Variants in SDHC observed in about 807,000 individuals in gnomAD.
The protein encoded by SDHC is succinate dehydrogenase cytochrome b560 subunit, mitochondrial.
In SDHC, 11 loss-of-function variants were observed where a neutral mutation model predicts 22.6. The ratio of observed to expected loss-of-function variants is 0.49; its 90% confidence interval spans 0.31 to 0.81. The LOEUF (loss-of-function observed/expected upper bound fraction) is 0.81. SDHC is among the 30% of genes least tolerant of loss of function. The pLI is 0.05. For missense variants in SDHC, 160 were observed against 212.0 expected (o/e 0.75, Z 1.52); for synonymous variants, 80 against 77.8 (o/e 1.03, Z -0.15).
chr1:161,338,983 G>A (rs1407066932), intron 3 of SDHC, among the ~76,000 whole-genome samples: 1 of 151,974 alleles, frequency 6.6e-6, no homozygotes, highest in Non-Finnish European at 1.5e-5. Flanking sequence ...CAAGTAGCTG[G>A]GATTACAGGC....
At chr1:161,340,464 T>A (rs1305642732) in intron 3 of SDHC, 130 bp from the exon 4 acceptor site, 145 of 763,348 alleles carry the variant, frequency 1.9e-4, no homozygotes, top group Non-Finnish European at 2.6e-4. Flanking sequence ...AGAGCGAGAC[T>A]CTGTCTCAAA....
chr1:161,327,223 C>G (rs1293831261), intron 2 of SDHC, among the ~76,000 whole-genome samples: 2 of 152,178 alleles, frequency 1.3e-5, no homozygotes, highest in Non-Finnish European at 2.9e-5. Flanking sequence ...GCCACCATGT[C>G]TGGCCTAAGT....
At chr1:161,314,482 C>A (rs1247782806) in intron 1 of SDHC, 57 bp downstream of exon 1, 3 of 1,592,796 alleles carry the variant, frequency 1.9e-6, no homozygotes, top group Non-Finnish European at 2.6e-6. Flanking sequence ...TCTGAACTGG[C>A]CCCTCACGTT....
At position 161,330,921 on chromosome 1, in the gene SDHC, C is replaced by CTGGGTGGTG. The variant is rs1671247333; in HGVS notation, c.179+2425_179+2433dup. ...GCTGAGGCACAAGAATCTCTTGAAC[C>CTGGGTGGTG]TGGGTGGTGGAGGTTGCAGTGAGCC... is the stretch of plus-strand genomic sequence containing the variant. On this transcript the variant is annotated intron_variant, in intron 3 of 5. Coordinates refer to ENST00000367975, the MANE Select transcript of SDHC (RefSeq NM_003001.5). Among the ~76,000 whole-genome samples the CTGGGTGGTG allele has an allele frequency of 3.3e-5, 5 of 150,804 alleles. No individual in the cohort carries two copies. In the Admixed American group the frequency reaches 3.3e-4, roughly 10 times the overall value.
chr1:161,351,911 C>A (rs1672110923), intron 4 of SDHC, among the ~76,000 whole-genome samples: 1 of 152,172 alleles, frequency 6.6e-6, no homozygotes, highest in Non-Finnish European at 1.5e-5. Flanking sequence ...GAAGAAGTGT[C>A]TGAAAGAGCT....
At chr1:161,336,562 A>G (rs147819110) in intron 3 of SDHC, among the ~76,000 whole-genome samples, 2 of 152,166 alleles carry the variant, frequency 1.3e-5, no homozygotes, top group South Asian at 4.1e-4. Flanking sequence ...CACAGGTCAT[A>G]TAAAGAATGG....
intron 4 of SDHC, among the ~76,000 whole-genome samples, chr1:161,345,336 T>C (rs1671854105): frequency 6.6e-6 from 1 of 152,256 alleles, no homozygotes; most frequent in Non-Finnish European, 1.5e-5. Flanking sequence ...AGCACTTTGC[T>C]TACCACCATA....
intron 5 of SDHC, 127 bp from the exon 6 acceptor site, chr1:161,362,202 G>A (rs1298982625): frequency 1.7e-6 from 2 of 1,162,126 alleles, no homozygotes; most frequent in African/African-American, 3.1e-5. Flanking sequence ...AAGGGTAGAA[G>A]CGCTTTTCTC....
At chr1:161,330,169 C>T (rs956347310) in intron 3 of SDHC, among the ~76,000 whole-genome samples, 1 of 152,206 alleles carries the variant, frequency 6.6e-6, no homozygotes, top group African/African-American at 2.4e-5. Flanking sequence ...AAAATACATT[C>T]ACCACATCGC....
intron 3 of SDHC, among the ~76,000 whole-genome samples, chr1:161,333,934 G>A (rs1321749878): frequency 6.6e-6 from 1 of 152,024 alleles, no homozygotes; most frequent in African/African-American, 2.4e-5. Context: ...CACATTTTTG[G>A]GTATTCGTTA....
At chr1:161,340,857 T>G (rs1055472534) in intron 4 of SDHC, among the ~76,000 whole-genome samples, 1 of 152,200 alleles carries the variant, frequency 6.6e-6, no homozygotes, top group Non-Finnish European at 1.5e-5. Context: ...CTTTTTTTTC[T>G]TTTTGAGACA....
At chr1:161,319,619 G>A (rs955677381) in intron 1 of SDHC, among the ~76,000 whole-genome samples, 15 of 151,952 alleles carry the variant, frequency 9.9e-5, no homozygotes, top group African/African-American at 3.6e-4. Context: ...GCTAATTTTT[G>A]TATTTTTACT....
chr1:161,333,712 ATT>A (rs1671370853), intron 3 of SDHC, among the ~76,000 whole-genome samples: 1 of 152,178 alleles, frequency 6.6e-6, no homozygotes, highest in Non-Finnish European at 1.5e-5. Flanking sequence ...TATGTTTAAC[ATT>A]TTGAGGAACT....
At chr1:161,328,318 T>C (rs1671142135) in intron 2 of SDHC, 78 bp from the exon 3 acceptor site, 1 of 1,206,846 alleles carries the variant, frequency 8.3e-7, no homozygotes, top group South Asian at 1.2e-5. Flanking sequence ...TGCAAAATAT[T>C]GACTTAATAA....
chr1:161,353,936 C>T (rs550584812), intron 4 of SDHC, among the ~76,000 whole-genome samples: 1 of 152,208 alleles, frequency 6.6e-6, no homozygotes, highest in African/African-American at 2.4e-5. Context: ...AGATCTCACT[C>T]TGTTACCTGG....
intron 2 of SDHC, among the ~76,000 whole-genome samples, chr1:161,324,095 A>G (rs149381540): frequency 6.6e-6 from 1 of 152,232 alleles, no homozygotes; most frequent in East Asian, 1.9e-4. Flanking sequence ...GTTGACTGAA[A>G]CTTAAGTAAT....
At chr1:161,355,601 A>G (rs978860355) in intron 4 of SDHC, among the ~76,000 whole-genome samples, 1 of 152,126 alleles carries the variant, frequency 6.6e-6, no homozygotes, top group African/African-American at 2.4e-5. Flanking sequence ...TTAGGTCTCT[A>G]ATTCATTTTA....
intron 5 of SDHC, among the ~76,000 whole-genome samples, chr1:161,361,918 CT>C (rs55810728): frequency 1.5e-3 from 207 of 140,140 alleles, no homozygotes; most frequent in Admixed American, 1.6e-3. Context: ...GACCACAGAA[CT>C]TTTTTTTTTT....
At chr1:161,328,789 T>A (rs934478706) in intron 3 of SDHC, among the ~76,000 whole-genome samples, 3 of 152,208 alleles carry the variant, frequency 2.0e-5, no homozygotes, top group Non-Finnish European at 2.9e-5. Flanking sequence ...AAAACATTTT[T>A]GAAACAATTT....
Sources: gnomAD v4.1 joint callset for allele counts (sites outside exome capture counted in the v4.1 genomes callset) on GRCh38, gnomAD v4.1.1 for gene constraint, MANE v1.5 for transcripts, NCBI Gene and HGNC (gene_info 2026-07-23, HGNC 2026-07-21) for gene names.